The following ZZEF1 variants were observed in gnomAD, a reference collection of about 807,000 sequenced individuals.
The protein encoded by ZZEF1 is zinc finger ZZ-type and EF-hand domain-containing protein 1.
A neutral mutation model predicts 342.8 loss-of-function variants in ZZEF1; 157 were observed. The ratio of observed to expected loss-of-function variants is 0.46; its 90% CI spans 0.40 to 0.52. The LOEUF (loss-of-function observed/expected upper bound fraction) is 0.52, where lower values mean the gene tolerates loss of function less well. Among genes scored for constraint, ZZEF1 ranks in the 20% least tolerant of loss-of-function variants. The pLI, the probability that ZZEF1 is intolerant of heterozygous loss-of-function variation, is 0.00. For missense variants in ZZEF1, 3,480 were observed against 3,725.6 expected (o/e 0.93, Z 1.72); for synonymous variants, 1,505 against 1,429.1 (o/e 1.05, Z -1.20).
At chr17:4,100,064 G>C (rs1037695373) in intron 9 of ZZEF1, among the ~76,000 whole-genome samples, 1 of 152,192 alleles carries the variant, frequency 6.6e-6, no homozygotes, top group Non-Finnish European at 1.5e-5. Context: ...TGAAGTATCA[G>C]CGTTTGAGTT....
intron 54 of ZZEF1, 105 bp from the exon 55 acceptor site, chr17:4,007,075 G>A: frequency 9.5e-7 from 1 of 1,052,540 alleles, no homozygotes; most frequent in Non-Finnish European, 1.4e-6. Flanking sequence ...GGACGGAGGA[G>A]GGGAACCAGA....
chr17:4,075,556 C>A, intron 21 of ZZEF1, 127 bp from the exon 22 acceptor site: 1 of 1,057,274 alleles, frequency 9.5e-7, no homozygotes, highest in Non-Finnish European at 1.3e-6. Context: ...AACCAGCAGG[C>A]AGGCTCGAAG....
At position 4,017,727 on chromosome 17, in the gene ZZEF1, G is replaced by A. The variant is rs779789919; in HGVS notation, c.7645C>T (p.Arg2549Trp). Reference protein sequence around the residue: ...TDMIILPCLSRPARCDQATAE... With the variant: ...TDMIILPCLSWPARCDQATAE... ...GTGGCTTGGTCACAGCGTGCAGGCC[G>A]GGACTGCAAACCCAAGACCACCATT... Residue 2549 changes from arginine (R) to tryptophan (W), a missense_variant, in exon 48 of 55, where the codon CGG becomes TGG. Transcript: ENST00000381638. This position sits in a 1 kb window ranked among gnomAD's most constrained non-coding sequence, Gnocchi z 5.1. 47 of 1,611,536 alleles carry A rather than the reference G, an allele frequency of 2.9e-5. No individual in the cohort carries two copies. The highest frequency in any genetic ancestry group is 1.7e-4 in the Middle Eastern group (1 of 6,056).
At chr17:4,044,135 G>A in intron 38 of ZZEF1, 89 bp downstream of exon 38, 1 of 1,458,310 alleles carries the variant, frequency 6.9e-7, no homozygotes, top group Non-Finnish European at 9.4e-7. Context: ...TCTAGCCAAT[G>A]TCAAGCTGTG....
chr17:4,121,520 G>A (rs899543897), intron 2 of ZZEF1, among the ~76,000 whole-genome samples: 12 of 152,106 alleles, frequency 7.9e-5, no homozygotes, highest in Non-Finnish European at 1.6e-4. Flanking sequence ...CAGCTACTCG[G>A]GAGGCTGAGG....
At chr17:4,072,875 T>G (rs2057538240) in intron 24 of ZZEF1, 119 bp from the exon 25 acceptor site, 1 of 1,021,322 alleles carries the variant, frequency 9.8e-7, no homozygotes. Flanking sequence ...TAGAGAAAGT[T>G]TACCCACATA....
intron 49 of ZZEF1, among the ~76,000 whole-genome samples, chr17:4,015,008 T>G (rs2056064371): frequency 6.6e-6 from 1 of 152,120 alleles, no homozygotes; most frequent in Non-Finnish European, 1.5e-5. Context: ...CTGAAGGCCC[T>G]GGGCATGAAA....
At position 4,016,209 on chromosome 17, in the gene ZZEF1, G is replaced by A. The variant is rs1005321938; in HGVS notation, c.8145+114C>T. 2.2e-5 allele frequency: 29 copies of A among 1,317,026 alleles called. No individual in the cohort carries two copies. Among genetic ancestry groups the A allele is most frequent in the Non-Finnish European group, 2.7e-5 (26 of 960,398 alleles). 81.6% of individuals were successfully genotyped at this position (1,317,026 alleles called of 1,614,324 possible). A position where few individuals can be genotyped will look rare whatever the true frequency, so the allele number is the denominator to read the frequency against. ...GCACTTTCCTGGACAGGTCTCTGCT[G>A]TCCAGCGGGAGAGAGCCACAGAGGG... On this transcript the variant is annotated intron_variant, in intron 49 of 54. Transcript: ENST00000381638. This position sits in a 1 kb window ranked among gnomAD's most constrained non-coding sequence, Gnocchi z 4.4.
At chr17:4,093,509 A>G (rs909682081) in intron 11 of ZZEF1, among the ~76,000 whole-genome samples, 2 of 152,232 alleles carry the variant, frequency 1.3e-5, no homozygotes, top group Non-Finnish European at 2.9e-5. Context: ...AAGGAATTGC[A>G]GCAAGAAGAG....
Position 4,022,751 on chromosome 17 carries a change from T to A in ZZEF1, c.7170A>T (p.Lys2390Asn). The stretch of plus-strand genomic sequence containing the variant: ...GCCACGTTTTACTAAAGCCAGTCCC[T>A]TTGCTGCACTTTTTCACCAGCAACT... ...LLKLLVKKCS[K>N]GTGFSKTWLL... The change falls in exon 44 of 55, where the codon AAA becomes AAT. Residue 2390 changes from lysine (K) to asparagine (N), a missense_variant. Lys to Asn is a moderately conservative substitution (Grantham distance 94, BLOSUM62 0). This residue lies in a region of ZZEF1 where 1,269 missense variants were observed against 1,342.4 expected (regional missense o/e 0.95). Transcript: ENST00000381638. 6.2e-7 allele frequency: 1 copy of A among 1,613,894 alleles called. No individual in the cohort carries two copies. Among genetic ancestry groups the A allele is most frequent in the Non-Finnish European group, 8.5e-7 (1 of 1,180,004 alleles).
chr17:4,060,212 A>T (rs181345818), intron 30 of ZZEF1, among the ~76,000 whole-genome samples: 1 of 152,272 alleles, frequency 6.6e-6, no homozygotes, highest in African/African-American at 2.4e-5. Context: ...TGATCAAATA[A>T]GCCCTCAAAA....
At chr17:4,066,368 G>C (rs1199435140) in intron 28 of ZZEF1, 79 bp downstream of exon 28, 3 of 1,218,074 alleles carry the variant, frequency 2.5e-6, no homozygotes, top group Non-Finnish European at 3.6e-6. Context: ...AGATAATCTA[G>C]AAGGTGAGTA....
rs1185608529 is a variant in ZZEF1 at position 4,090,948 on chromosome 17, G to A, written c.1914-118C>T. 11 of 737,124 alleles carry A rather than the reference G, an allele frequency of 1.5e-5. 1 individual carries two copies. The East Asian group carries it at 1.6e-4, about 11-fold the overall frequency. The allele number at this position is 737,124 out of a possible 1,614,324, so 45.7% of individuals were successfully genotyped here. A position where few individuals can be genotyped will look rare whatever the true frequency, so the allele number is the denominator to read the frequency against. On this transcript the variant is annotated intron_variant, in intron 11 of 54. Transcript: ENST00000381638. ...ATCTGTAGCCTGTCAGTGAACAATC[G>A]AGAGCTGACTATGGTACATGGTACC...
chr17:4,088,968 T>G, intron 12 of ZZEF1, 75 bp from the exon 13 acceptor site: 26 of 1,381,368 alleles, frequency 1.9e-5, no homozygotes, highest in Non-Finnish European at 2.5e-5. Context: ...AAAAAGGCCT[T>G]TCCGGGAAGG....
In ZZEF1 at chr17:4,006,889, G is replaced by T. The variant is rs765523470; in HGVS notation, c.*1C>A. 2.1e-5 allele frequency: 34 copies of T among 1,584,444 alleles called. 1 individual carries two copies. In the South Asian group the frequency reaches 3.6e-4, roughly 17 times the overall value. On this transcript the variant is annotated 3_prime_UTR_variant, in exon 55 of 55. Coordinates refer to ENST00000381638, the MANE Select transcript of ZZEF1 (RefSeq NM_015113.4). ...TAGTCCCATGCACGCCCCACCAAGG[G>T]CTAACACTCCACATTCCAGAGGCGG...
At chr17:4,088,948 T>C in intron 12 of ZZEF1, 55 bp from the exon 13 acceptor site, 1 of 1,560,346 alleles carries the variant, frequency 6.4e-7, no homozygotes, top group South Asian at 1.1e-5. Context: ...TGAATATTGA[T>C]TAAAGAGGGA....
In ZZEF1 at chr17:4,005,152, T is replaced by C. The variant is rs2055776245; in HGVS notation, c.*1738A>G. On this transcript the variant is annotated 3_prime_UTR_variant, in exon 55 of 55. Coordinates refer to ENST00000381638, the MANE Select transcript of ZZEF1 (RefSeq NM_015113.4). ...CTCCCTCCCAAGCACTAAGACTTGT[T>C]TCCTGTGAGTCCCCTCTTGGGAAAC... 6.6e-6 allele frequency: 1 copy of C among 152,326 alleles called. No homozygotes were observed. Among genetic ancestry groups the C allele is most frequent in the African/African-American group, 2.4e-5 (1 of 41,456 alleles). The allele number at this position is 152,326 out of a possible 1,614,324, so 9.4% of individuals were successfully genotyped here.
intron 32 of ZZEF1, among the ~76,000 whole-genome samples, chr17:4,057,515 C>T (rs930105633): frequency 6.6e-6 from 1 of 152,122 alleles, no homozygotes; most frequent in Non-Finnish European, 1.5e-5. Flanking sequence ...GGGAAAAAAC[C>T]CTTCATACAT....
At chr17:4,032,588 T>C (rs921239618) in intron 41 of ZZEF1, among the ~76,000 whole-genome samples, 6 of 152,260 alleles carry the variant, frequency 3.9e-5, no homozygotes, top group African/African-American at 1.2e-4. Flanking sequence ...CAGTCACCTA[T>C]TATTCAAAGC....
Sources: gnomAD v4.1 joint callset for allele counts (sites outside exome capture counted in the v4.1 genomes callset) on GRCh38, gnomAD v4.1.1 for gene constraint, gnomAD v4.1.1 regional missense constraint, Gnocchi (gnomAD v3.1) non-coding constraint, MANE v1.5 for transcripts, NCBI Gene and HGNC (gene_info 2026-07-23, HGNC 2026-07-21) for gene names.